Variants in EPHA3 observed in about 807,000 individuals in gnomAD.
EPHA3 encodes EPH receptor A3.
EPHA3 carries 42 observed loss-of-function variants against 107.1 expected under a neutral mutation model. The ratio of observed to expected loss-of-function variants is 0.39; its 90% CI spans 0.31 to 0.51. The LOEUF (loss-of-function observed/expected upper bound fraction) is 0.51, where lower values mean the gene tolerates loss of function less well. EPHA3 is among the 20% of genes least tolerant of loss of function. The probability of loss-of-function intolerance (pLI) is 0.78; values close to 1 mark genes in which losing one functional copy is unlikely to be tolerated. For synonymous variants in EPHA3, 461 were observed against 424.8 expected (o/e 1.09, Z -1.05); for missense variants, 1,183 against 1,211.2 (o/e 0.98, Z 0.35).
In EPHA3 at chr3:89,210,132, GATTGACACC is replaced by G; in HGVS notation, c.431_439del (p.Asp144_Ile146del). 1 of 1,613,992 alleles carries G rather than the reference GATTGACACC, an allele frequency of 6.2e-7. No individual in the cohort carries two copies. Among genetic ancestry groups the G allele is most frequent in the Non-Finnish European group, 8.5e-7 (1 of 1,179,932 alleles). On this transcript the variant is annotated inframe_deletion, in exon 3 of 17. Transcript: ENST00000336596. ...AATTTCGAGAGCATCAGTTTACAAA[GATTGACACC>G]ATTGCAGCTGATGAAAGTTTCACTC...
rs181846867 is a variant in EPHA3, at chr3:89,214,390, G to A, written c.814+3870G>A. Among the ~76,000 whole-genome samples, 18 of 151,956 alleles carry A rather than the reference G, an allele frequency of 1.2e-4. No individual in the cohort carries two copies. In the East Asian group the frequency reaches 2.9e-3, roughly 24 times the overall value. On this transcript the variant is annotated intron_variant, in intron 3 of 16. Coordinates refer to ENST00000336596, the MANE Select transcript of EPHA3 (RefSeq NM_005233.6). ...TCAGTCATCAGAATCCCTGAAATGT[G>A]TTACCTTCCTTGTTTTCTTGTTTCA...
At chr3:89,417,096 A>AGGG (rs1709264351) in intron 10 of EPHA3, among the ~76,000 whole-genome samples, 1 of 151,550 alleles carries the variant, frequency 6.6e-6, no homozygotes, top group South Asian at 2.1e-4. Flanking sequence ...ACCAACACTT[A>AGGG]GATGTCACCT....
intron 3 of EPHA3, among the ~76,000 whole-genome samples, chr3:89,299,761 T>C (rs1233338252): frequency 6.6e-6 from 1 of 152,002 alleles, no homozygotes; most frequent in African/African-American, 2.4e-5. Flanking sequence ...ATAGGCATAG[T>C]TTTAAAGAAA....
chr3:89,231,670 G>A (rs890481310), intron 3 of EPHA3, among the ~76,000 whole-genome samples: 1 of 152,114 alleles, frequency 6.6e-6, no homozygotes, highest in Non-Finnish European at 1.5e-5. Flanking sequence ...AAGCTCTCAG[G>A]TGATATGAAC....
rs1399907898 is a variant in EPHA3 at position 89,450,256 on chromosome 3, A to G, written c.2576A>G (p.Asp859Gly). 4 of 1,613,892 alleles carry G rather than the reference A, an allele frequency of 2.5e-6. No individual in the cohort carries two copies. In the East Asian group the frequency reaches 6.7e-5, roughly 27 times the overall value. Residue 859 changes from aspartate (D) to glycine (G), a missense_variant, in exon 15 of 17, where the codon GAC becomes GGC. Transcript: ENST00000336596. ...GCTGCCTTGTATCAGCTGATGCTGG[A>G]CTGCTGGCAGAAAGACAGGAACAAC... ...CPAALYQLMLDCWQKDRNNRP... is the reference protein window; with the variant it reads ...CPAALYQLMLGCWQKDRNNRP...
intron 15 of EPHA3, among the ~76,000 whole-genome samples, chr3:89,466,488 G>A (rs1177619522): frequency 3.0e-5 from 4 of 133,250 alleles, no homozygotes; most frequent in Non-Finnish European, 4.9e-5. Flanking sequence ...GCGAGACTCC[G>A]TGGGCGTAGG....
chr3:89,229,322 T>A (rs956319146), intron 3 of EPHA3, among the ~76,000 whole-genome samples: 1 of 151,920 alleles, frequency 6.6e-6, no homozygotes, highest in Non-Finnish European at 1.5e-5. Context: ...TTTGAAGAAC[T>A]TCCACTACTA....
chr3:89,279,115 G>T (rs1259505213), intron 3 of EPHA3, among the ~76,000 whole-genome samples: 1 of 151,962 alleles, frequency 6.6e-6, no homozygotes, highest in Non-Finnish European at 1.5e-5. Context: ...AAATTGTTTT[G>T]CAAGTAAATA....
chr3:89,338,866 C>G (rs186385229), intron 3 of EPHA3, among the ~76,000 whole-genome samples: 3 of 152,226 alleles, frequency 2.0e-5, no homozygotes, highest in East Asian at 1.9e-4. Context: ...CTATACTATA[C>G]GATACTTGAA....
In EPHA3 at chr3:89,269,993, G is replaced by T. The variant is rs140101063; in HGVS notation, c.814+59473G>T. On this transcript the variant is annotated intron_variant, in intron 3 of 16. Coordinates refer to ENST00000336596, the MANE Select transcript of EPHA3 (RefSeq NM_005233.6). ...ACTGGTCTTTCAGGGTCTGAGTTGG[G>T]TTATCTTTAGAATAACACTGGGAAT... is the stretch of plus-strand genomic sequence containing the variant. Among the ~76,000 whole-genome samples the T allele has an allele frequency of 9.0e-3, 1,362 of 151,850 alleles. 32 individuals carry two copies. The highest frequency in any genetic ancestry group is 0.031 in the African/African-American group (1,295 of 41,438).
At chr3:89,216,134 A>G (rs1704218614) in intron 3 of EPHA3, among the ~76,000 whole-genome samples, 1 of 151,984 alleles carries the variant, frequency 6.6e-6, no homozygotes, top group Non-Finnish European at 1.5e-5. Context: ...TAATGTGTCC[A>G]TTAAGCAGTT....
chr3:89,238,405 G>A (rs1302782236), intron 3 of EPHA3, among the ~76,000 whole-genome samples: 1 of 152,118 alleles, frequency 6.6e-6, no homozygotes, highest in Non-Finnish European at 1.5e-5. Flanking sequence ...TCTCATAGAG[G>A]TATGTGAGCC....
At chr3:89,221,518 C>T (rs1315261646) in intron 3 of EPHA3, among the ~76,000 whole-genome samples, 1 of 152,054 alleles carries the variant, frequency 6.6e-6, no homozygotes, top group Non-Finnish European at 1.5e-5. Context: ...TACTCTTCAC[C>T]TTCTAAAATG....
At chr3:89,300,206 GATT>G (rs1706449344) in intron 3 of EPHA3, among the ~76,000 whole-genome samples, 1 of 151,556 alleles carries the variant, frequency 6.6e-6, no homozygotes, top group African/African-American at 2.4e-5. Flanking sequence ...TTACACAATG[GATT>G]ATTATTTTTT....
At chr3:89,219,694 T>G (rs1344766335) in intron 3 of EPHA3, among the ~76,000 whole-genome samples, 2 of 11,598 alleles carry the variant, frequency 1.7e-4, no homozygotes, top group African/African-American at 3.3e-4. Context: ...CAATGTTTTT[T>G]TTTTTTTTGT....
At chr3:89,177,371 C>A (rs1223769964) in intron 2 of EPHA3, among the ~76,000 whole-genome samples, 1 of 152,022 alleles carries the variant, frequency 6.6e-6, no homozygotes, top group African/African-American at 2.4e-5. Flanking sequence ...AAGTCTGAGG[C>A]CTTGGATTAC....
intron 3 of EPHA3, among the ~76,000 whole-genome samples, chr3:89,235,446 G>A (rs9838512): frequency 0.51 from 77,072 of 151,758 alleles, 20,778 homozygotes; most frequent in African/African-American, 0.7. Flanking sequence ...TTAGTATAGC[G>A]TCGTAATAAA....
intron 13 of EPHA3, among the ~76,000 whole-genome samples, chr3:89,433,255 T>C (rs1002227220): frequency 2.0e-5 from 3 of 152,098 alleles, no homozygotes; most frequent in African/African-American, 4.8e-5. Flanking sequence ...CCAAAGATGG[T>C]AGTCTTCTGC....
chr3:89,243,315 C>A (rs1033688843), intron 3 of EPHA3, among the ~76,000 whole-genome samples: 60 of 152,252 alleles, frequency 3.9e-4, no homozygotes, highest in African/African-American at 1.3e-3. Flanking sequence ...TTCTAGATCC[C>A]TGAGGAATCT....
Sources: gnomAD v4.1 joint callset for allele counts (sites outside exome capture counted in the v4.1 genomes callset) on GRCh38, gnomAD v4.1.1 for gene constraint, MANE v1.5 for transcripts, NCBI Gene and HGNC (gene_info 2026-07-23, HGNC 2026-07-21) for gene names.